The following LOC128462377 variants were observed in gnomAD, a reference collection of about 807,000 sequenced individuals.
At chr16:89,411,679 G>A in the LOC128462377 span, among the ~76,000 whole-genome samples, 13 of 151,916 alleles carry the variant, frequency 8.6e-5, no homozygotes, top group African/African-American at 3.1e-4. Context: ...CTCCCAGAGT[G>A]CTGGGATTAC....
the LOC128462377 span, among the ~76,000 whole-genome samples, chr16:89,317,782 A>G: frequency 5.9e-5 from 9 of 152,164 alleles, no homozygotes; most frequent in African/African-American, 2.2e-4. Context: ...ATCATGTTTT[A>G]TTTTAGGAAA....
At chr16:89,350,922 G>A in the LOC128462377 span, among the ~76,000 whole-genome samples, 5 of 152,144 alleles carry the variant, frequency 3.3e-5, no homozygotes, top group Admixed American at 6.5e-5. Context: ...GATTCAGCAG[G>A]GTGACTCAGC....
chr16:89,362,103 A>C, the LOC128462377 span, among the ~76,000 whole-genome samples: 1 of 152,258 alleles, frequency 6.6e-6, no homozygotes, highest in Non-Finnish European at 1.5e-5. Flanking sequence ...AAGTTTCAAC[A>C]TGAGATACAA....
At chr16:89,342,853 G>A in the LOC128462377 span, among the ~76,000 whole-genome samples, 2 of 152,114 alleles carry the variant, frequency 1.3e-5, no homozygotes, top group Admixed American at 6.6e-5. Context: ...TTCTGTGATC[G>A]TTTATGCCCA....
chr16:89,404,570 T>C, the LOC128462377 span, among the ~76,000 whole-genome samples: 1,385 of 152,372 alleles, frequency 9.1e-3, 30 homozygotes, highest in African/African-American at 0.032. Flanking sequence ...TTGAAAACAC[T>C]GTTGACTCGC....
At chr16:89,405,490 C>A in the LOC128462377 span, among the ~76,000 whole-genome samples, 3 of 141,064 alleles carry the variant, frequency 2.1e-5, no homozygotes, top group Non-Finnish European at 4.5e-5. Context: ...ACACCTGGCT[C>A]ATTTTTTTTT....
chr16:89,372,328 C>T, the LOC128462377 span, among the ~76,000 whole-genome samples: 5 of 152,314 alleles, frequency 3.3e-5, no homozygotes, highest in East Asian at 3.9e-4. Flanking sequence ...GCGACGGATG[C>T]GGCCACCACT....
At chr16:89,327,147 C>T in the LOC128462377 span, among the ~76,000 whole-genome samples, 45 of 152,166 alleles carry the variant, frequency 3.0e-4, no homozygotes, top group Non-Finnish European at 1.6e-4. Flanking sequence ...CTGATGACAG[C>T]GAAATATGTA....
At chr16:89,364,663 G>GA in the LOC128462377 span, among the ~76,000 whole-genome samples, 2 of 152,168 alleles carry the variant, frequency 1.3e-5, no homozygotes, top group Admixed American at 6.5e-5. Flanking sequence ...GATAAGCTTA[G>GA]AAAAAAATCT....
At chr16:89,406,120 A>G in the LOC128462377 span, among the ~76,000 whole-genome samples, 1 of 151,914 alleles carries the variant, frequency 6.6e-6, no homozygotes, top group Non-Finnish European at 1.5e-5. Context: ...AAAAAAAAAA[A>G]AAAAAAAAAC....
the LOC128462377 span, among the ~76,000 whole-genome samples, chr16:89,360,989 G>C: frequency 6.6e-6 from 1 of 152,130 alleles, no homozygotes; most frequent in Non-Finnish European, 1.5e-5. Flanking sequence ...CTCACATCCA[G>C]ATGGATCCGA....
the LOC128462377 span, among the ~76,000 whole-genome samples, chr16:89,389,679 A>G: frequency 1.3e-5 from 2 of 152,230 alleles, no homozygotes; most frequent in African/African-American, 4.8e-5. Context: ...CAACTCAAAC[A>G]TGAGCAAAAA....
chr16:89,409,130 C>T, the LOC128462377 span, among the ~76,000 whole-genome samples: 10 of 152,154 alleles, frequency 6.6e-5, no homozygotes, highest in Non-Finnish European at 1.3e-4. Context: ...AGGTATCAGG[C>T]CCCTCAAAGA....
chr16:89,354,612 TG>T, the LOC128462377 span, among the ~76,000 whole-genome samples: 1 of 152,216 alleles, frequency 6.6e-6, no homozygotes, highest in Non-Finnish European at 1.5e-5. Flanking sequence ...CAGGGCACGG[TG>T]GCTCACTCTT....
the LOC128462377 span, chr16:89,320,019 G>A: frequency 2.0e-5 from 3 of 152,358 alleles, no homozygotes; most frequent in Non-Finnish European, 2.9e-5. Flanking sequence ...CCGAGGAACC[G>A]TTACTCAGCC....
the LOC128462377 span, among the ~76,000 whole-genome samples, chr16:89,333,433 G>A: frequency 2.0e-5 from 3 of 152,168 alleles, no homozygotes; most frequent in Non-Finnish European, 2.9e-5. Context: ...ATGGTTGGAC[G>A]AACGTATCCT....
the LOC128462377 span, among the ~76,000 whole-genome samples, chr16:89,404,008 G>C: frequency 1.1e-4 from 16 of 152,198 alleles, no homozygotes; most frequent in African/African-American, 3.9e-4. Flanking sequence ...GTGAAAGAAT[G>C]CAAGAGACTC....
At chr16:89,326,178 C>A in the LOC128462377 span, among the ~76,000 whole-genome samples, 1 of 152,326 alleles carries the variant, frequency 6.6e-6, no homozygotes, top group South Asian at 2.1e-4. Flanking sequence ...TAAAAATAAT[C>A]ATGGCCGTAA....
the LOC128462377 span, among the ~76,000 whole-genome samples, chr16:89,349,133 G>GT: frequency 6.3e-4 from 1 of 1,576 alleles, no homozygotes; most frequent in Non-Finnish European, 1.2e-3. Flanking sequence ...GTCTCAAAAA[G>GT]TAAAAAAAAA....
Sources: allele counts gnomAD v4.1 joint callset (sites outside exome capture counted in the v4.1 genomes callset), GRCh38; gene constraint gnomAD v4.1.1; transcripts MANE v1.5.